Variants in XKR6 observed in about 807,000 individuals in gnomAD.
The protein encoded by XKR6 is XK-related protein 6.
XKR6 carries 22 observed loss-of-function variants against 56.7 expected under a neutral mutation model. That is an observed-to-expected ratio of 0.39 (90% confidence interval 0.28 to 0.55). The LOEUF (loss-of-function observed/expected upper bound fraction) is 0.55. Among genes scored for constraint, XKR6 ranks in the 20% least tolerant of loss-of-function variants. The probability of loss-of-function intolerance (pLI) is 0.66; values close to 1 mark genes in which losing one functional copy is unlikely to be tolerated. For missense variants in XKR6, 852 were observed against 889.0 expected, an observed-to-expected ratio of 0.96 and a Z score of 0.53; for synonymous variants, 524 against 387.8, an observed-to-expected ratio of 1.35 and a Z score of -4.13.
chr8:11,061,283 G>T (rs2129163626), intron 1 of XKR6, among the ~76,000 whole-genome samples: 1 of 152,234 alleles, frequency 6.6e-6, no homozygotes, highest in African/African-American at 2.4e-5. Context: ...TGGGCAACAT[G>T]GCAAAACCCC....
At chr8:11,075,063 G>C (rs1339031143) in intron 1 of XKR6, among the ~76,000 whole-genome samples, 1 of 152,198 alleles carries the variant, frequency 6.6e-6, no homozygotes, top group Non-Finnish European at 1.5e-5. Flanking sequence ...TGGAGGCTGG[G>C]GCACTAGTAC....
chr8:11,118,667 T>C (rs1799296422), intron 1 of XKR6, among the ~76,000 whole-genome samples: 1 of 152,206 alleles, frequency 6.6e-6, no homozygotes, highest in Non-Finnish European at 1.5e-5. Flanking sequence ...CCCTTTATCA[T>C]TTTTTATTGC....
intron 1 of XKR6, among the ~76,000 whole-genome samples, chr8:11,070,333 C>T (rs984049365): frequency 5.3e-5 from 8 of 152,176 alleles, no homozygotes; most frequent in Middle Eastern, 3.2e-3. Flanking sequence ...TGTAGCAGTA[C>T]ACTTCACTGA....
At position 11,076,116 on chromosome 8, in the gene XKR6, G is replaced by A. The variant is rs867052406; in HGVS notation, c.764+124460C>T. 9.2e-5 allele frequency among the ~76,000 whole-genome samples: 14 copies of A among 152,164 alleles called. No individual in the cohort carries two copies. In the South Asian group the frequency reaches 1.4e-3, roughly 16 times the overall value. Reference sequence around the variant, plus strand: ...ATAGTATGCTGAAAGAAATGAGCCCGTCACAAAATGACAAATACTATATGA... The same window carrying A: ...ATAGTATGCTGAAAGAAATGAGCCCATCACAAAATGACAAATACTATATGA... On this transcript the variant is annotated intron_variant, in intron 1 of 2. Transcript: ENST00000416569.
At chr8:10,920,001 A>C (rs1800665918) in intron 2 of XKR6, among the ~76,000 whole-genome samples, 1 of 152,178 alleles carries the variant, frequency 6.6e-6, no homozygotes, top group Non-Finnish European at 1.5e-5. Context: ...TGTGTCTTGC[A>C]GGCTGAATAT....
chr8:10,928,208 G>A (rs1466554517), intron 1 of XKR6, among the ~76,000 whole-genome samples: 2 of 152,178 alleles, frequency 1.3e-5, no homozygotes, highest in African/African-American at 2.4e-5. Flanking sequence ...GGGCCCGGAC[G>A]GGACCAGAAT....
At position 11,119,311 on chromosome 8, in the gene XKR6, G is replaced by C. The variant is rs1269704049; in HGVS notation, c.764+81265C>G. Among the ~76,000 whole-genome samples the C allele has an allele frequency of 2.6e-5, 4 of 152,200 alleles. No individual in the cohort carries two copies. The East Asian group carries it at 7.7e-4, about 29-fold the overall frequency. ...TTGATTTGGGGTGGAGAGTTCTGTA[G>C]ATGTCTATTAGGTCCGCTTGGTGCA... is the stretch of plus-strand genomic sequence containing the variant. On this transcript the variant is annotated intron_variant, in intron 1 of 2. Coordinates refer to ENST00000416569, the MANE Select transcript of XKR6 (RefSeq NM_173683.4).
rs547268289 is a variant in XKR6, at chr8:10,931,410, T to A, written c.765-6580A>T. 5.3e-5 allele frequency among the ~76,000 whole-genome samples: 8 copies of A among 152,240 alleles called. No homozygotes were observed. In the South Asian group the frequency reaches 8.3e-4, roughly 16 times the overall value. The stretch of plus-strand genomic sequence containing the variant: ...TAAAAACCCAAGTGGAATTTTTTTT[T>A]AAATACAGACAAGCCAATTCTAAAA... On this transcript the variant is annotated intron_variant, in intron 1 of 2. Transcript: ENST00000416569.
At chr8:11,073,031 C>G (rs938019409) in intron 1 of XKR6, among the ~76,000 whole-genome samples, 1 of 150,800 alleles carries the variant, frequency 6.6e-6, no homozygotes, top group Admixed American at 6.6e-5. Flanking sequence ...GCCTCAGCGA[C>G]AGAGCGAGAC....
At chr8:11,093,125 G>C (rs142748308) in intron 1 of XKR6, among the ~76,000 whole-genome samples, 1 of 150,260 alleles carries the variant, frequency 6.7e-6, no homozygotes, top group African/African-American at 2.5e-5. Context: ...GTGTGATCTC[G>C]GCTCACTGCA....
chr8:11,150,011 G>A (rs930306981), intron 1 of XKR6, among the ~76,000 whole-genome samples: 2 of 152,160 alleles, frequency 1.3e-5, no homozygotes, highest in African/African-American at 4.8e-5. Context: ...ACATGTGGGA[G>A]CTAAAAAATT....
Position 11,108,662 on chromosome 8 carries a change from A to C in XKR6, c.764+91914T>G, listed in dbSNP as rs532346645. Reference sequence around the variant, plus strand: ...AGCTCTTGCCATGTGGCTCAGTTCTATGCGTGGAAAAGCAATGAGCGACCT... The same window carrying C: ...AGCTCTTGCCATGTGGCTCAGTTCTCTGCGTGGAAAAGCAATGAGCGACCT... On this transcript the variant is annotated intron_variant, in intron 1 of 2. Coordinates refer to ENST00000416569, the MANE Select transcript of XKR6 (RefSeq NM_173683.4). 17 of 235,630 alleles carry C rather than the reference A, an allele frequency of 7.2e-5. No individual in the cohort carries two copies. In the South Asian group the frequency reaches 8.3e-4, roughly 12 times the overall value. 14.6% of individuals were successfully genotyped at this position (235,630 alleles called of 1,614,324 possible).
chr8:11,126,087 G>C (rs961255076), intron 1 of XKR6: 5 of 117,650 alleles, frequency 4.2e-5, no homozygotes, highest in African/African-American at 1.3e-4. Flanking sequence ...TTGTTTTTTT[G>C]AGACAGAGTC....
intron 1 of XKR6, among the ~76,000 whole-genome samples, chr8:11,064,022 C>G (rs1799914856): frequency 6.6e-6 from 1 of 152,178 alleles, no homozygotes; most frequent in African/African-American, 2.4e-5. Context: ...TTCCGAAGTT[C>G]TCTTCTATAT....
At chr8:10,979,200 C>A (rs939653034) in intron 1 of XKR6, among the ~76,000 whole-genome samples, 4 of 152,056 alleles carry the variant, frequency 2.6e-5, no homozygotes, top group Non-Finnish European at 5.9e-5. Flanking sequence ...TGTTTCCTCC[C>A]ACTAGGAAGG....
At chr8:11,061,466 CA>C (rs34109727) in intron 1 of XKR6, among the ~76,000 whole-genome samples, 4,087 of 144,928 alleles carry the variant, frequency 0.028, 146 homozygotes, top group African/African-American at 0.086. Flanking sequence ...GACCCTGTCT[CA>C]AAAAAAAAAA....
intron 1 of XKR6, among the ~76,000 whole-genome samples, chr8:11,080,388 AAG>A (rs1249337078): frequency 6.6e-6 from 1 of 152,230 alleles, no homozygotes; most frequent in Non-Finnish European, 1.5e-5. Context: ...AGAAAAAAAA[AAG>A]AGATCAGTAC....
chr8:10,913,857 T>TG (rs1800480152), intron 2 of XKR6, among the ~76,000 whole-genome samples: 1 of 152,142 alleles, frequency 6.6e-6, no homozygotes, highest in Admixed American at 6.5e-5. Flanking sequence ...TGGAAAAGGA[T>TG]GGGGTCCCAG....
chr8:11,137,832 C>A, intron 1 of XKR6: 1 of 370,886 alleles, frequency 2.7e-6, no homozygotes, highest in Admixed American at 3.6e-5. Context: ...CTAGAATCTT[C>A]AATTAAGGCA....
Sources: gnomAD v4.1 joint callset for allele counts (sites outside exome capture counted in the v4.1 genomes callset) on GRCh38, gnomAD v4.1.1 for gene constraint, MANE v1.5 for transcripts, NCBI Gene and HGNC (gene_info 2026-07-23, HGNC 2026-07-21) for gene names.